Variants in SEZ6L observed in about 807,000 individuals in gnomAD.
The protein encoded by SEZ6L is seizure 6-like protein.
SEZ6L carries 37 observed loss-of-function variants against 106.2 expected under a neutral mutation model. The ratio of observed to expected loss-of-function variants is 0.35; its 90% CI spans 0.27 to 0.46. SEZ6L has a LOEUF of 0.46. Ranked by LOEUF, SEZ6L falls within the 20% of genes least tolerant of loss-of-function variation. SEZ6L has a pLI of 1.00. For missense variants in SEZ6L, 1,172 were observed against 1,332.8 expected, an observed-to-expected ratio of 0.88 and a Z score of 1.88; for synonymous variants, 541 against 570.4, an observed-to-expected ratio of 0.95 and a Z score of 0.73.
At chr22:26,215,816 G>A (rs777539275) in intron 1 of SEZ6L, among the ~76,000 whole-genome samples, 1 of 152,182 alleles carries the variant, frequency 6.6e-6, no homozygotes, top group Non-Finnish European at 1.5e-5. Flanking sequence ...AGGGCCATTC[G>A]CCTGGGGTGA....
chr22:26,367,801 G>A (rs2083872719), intron 13 of SEZ6L, among the ~76,000 whole-genome samples: 2 of 151,970 alleles, frequency 1.3e-5, no homozygotes, highest in South Asian at 4.1e-4. Context: ...TACTCTTAAC[G>A]CCCCCAGTTT....
At position 26,329,025 on chromosome 22, in the gene SEZ6L, C is replaced by T. The variant is rs369353104; in HGVS notation, c.2016-11411C>T. 2.2e-4 allele frequency among the ~76,000 whole-genome samples: 33 copies of T among 152,164 alleles called. No individual in the cohort carries two copies. The East Asian group carries it at 2.3e-3, about 11-fold the overall frequency. On this transcript the variant is annotated intron_variant, in intron 9 of 16. Transcript: ENST00000248933. Reference sequence around the variant, plus strand: ...GGGATCAGGAGTTTTTAAACCTCCGCGGGGATTCTGAGGTGCGGCCAGGAT... The same window carrying T: ...GGGATCAGGAGTTTTTAAACCTCCGTGGGGATTCTGAGGTGCGGCCAGGAT...
chr22:26,362,179 G>A (rs971521199), intron 12 of SEZ6L, among the ~76,000 whole-genome samples: 15 of 152,206 alleles, frequency 9.9e-5, no homozygotes, highest in African/African-American at 3.6e-4. Context: ...GTGCTGCCTT[G>A]GAGGGAGCCC....
chr22:26,261,849 G>C (rs2080018615), intron 1 of SEZ6L, among the ~76,000 whole-genome samples: 1 of 152,178 alleles, frequency 6.6e-6, no homozygotes, highest in African/African-American at 2.4e-5. Flanking sequence ...GTATTTTGGA[G>C]AAGTCAGATT....
intron 1 of SEZ6L, among the ~76,000 whole-genome samples, chr22:26,218,786 A>G (rs368862399): frequency 6.6e-6 from 1 of 152,100 alleles, no homozygotes; most frequent in East Asian, 1.9e-4. Context: ...AAAATACAAA[A>G]ATTAGCCAGG....
At chr22:26,234,261 G>A (rs987828539) in intron 1 of SEZ6L, among the ~76,000 whole-genome samples, 3 of 152,114 alleles carry the variant, frequency 2.0e-5, no homozygotes, top group Admixed American at 1.3e-4. Flanking sequence ...GGCCCGAATT[G>A]GAACCCAGGT....
chr22:26,277,600 G>A (rs897312491), intron 1 of SEZ6L, among the ~76,000 whole-genome samples: 1 of 152,128 alleles, frequency 6.6e-6, no homozygotes, highest in Non-Finnish European at 1.5e-5. Context: ...ATTTTACCAA[G>A]GATTAACCTT....
intron 5 of SEZ6L, among the ~76,000 whole-genome samples, chr22:26,300,981 T>A (rs1369630584): frequency 6.6e-6 from 1 of 152,252 alleles, no homozygotes; most frequent in Non-Finnish European, 1.5e-5. Flanking sequence ...AATTAAATAT[T>A]TTTTTCTTTT....
intron 1 of SEZ6L, among the ~76,000 whole-genome samples, chr22:26,204,132 AC>A (rs1941155301): frequency 6.6e-6 from 1 of 152,226 alleles, no homozygotes; most frequent in African/African-American, 2.4e-5. Context: ...TCTCATGTGT[AC>A]TATGAAAATT....
intron 10 of SEZ6L, among the ~76,000 whole-genome samples, chr22:26,347,042 A>G (rs535204576): frequency 1.3e-5 from 2 of 152,064 alleles, no homozygotes; most frequent in South Asian, 4.2e-4. Context: ...AAAAAAAAAA[A>G]AAATTAGCCA....
rs2078394532 is a variant in SEZ6L at position 26,219,352 on chromosome 22, C to A, written c.94+49589C>A. ...CAAAAATGAACAAGATTGGACAAGTCTGAGCCCTCTTGCCTTTTTATTTTT... is the reference window on the plus strand; with the variant it reads ...CAAAAATGAACAAGATTGGACAAGTATGAGCCCTCTTGCCTTTTTATTTTT... On this transcript the variant is annotated intron_variant, in intron 1 of 16. Coordinates refer to ENST00000248933, the MANE Select transcript of SEZ6L (RefSeq NM_021115.5). Among the ~76,000 whole-genome samples the A allele has an allele frequency of 2.0e-5, 3 of 149,702 alleles. No homozygotes were observed. The South Asian group carries it at 6.3e-4, about 31-fold the overall frequency.
At chr22:26,212,714 C>G (rs112070995) in intron 1 of SEZ6L, among the ~76,000 whole-genome samples, 3 of 152,192 alleles carry the variant, frequency 2.0e-5, no homozygotes, top group East Asian at 1.9e-4. Context: ...TGAGCCACCA[C>G]GCCTGGCCAA....
intron 5 of SEZ6L, among the ~76,000 whole-genome samples, chr22:26,299,603 C>T (rs1322968139): frequency 3.3e-5 from 5 of 152,176 alleles, no homozygotes; most frequent in African/African-American, 4.8e-5. Context: ...TTTCACTTAG[C>T]GCTTGGCACT....
chr22:26,281,609 A>G (rs759434107), intron 1 of SEZ6L, among the ~76,000 whole-genome samples: 2 of 151,912 alleles, frequency 1.3e-5, no homozygotes, highest in Non-Finnish European at 2.9e-5. Context: ...TGATCTCCTG[A>G]CCTCGTGGTC....
At chr22:26,262,242 T>TA (rs930619079) in intron 1 of SEZ6L, among the ~76,000 whole-genome samples, 1 of 41,802 alleles carries the variant, frequency 2.4e-5, no homozygotes, top group African/African-American at 8.7e-5. Context: ...TATTGATATA[T>TA]TTTATCTATC....
chr22:26,207,033 TAAAGCAA>T (rs1469894685), intron 1 of SEZ6L, among the ~76,000 whole-genome samples: 2 of 152,232 alleles, frequency 1.3e-5, no homozygotes, highest in Non-Finnish European at 2.9e-5. Context: ...AAATTTTGTT[TAAAGCAA>T]AAAGCATAAA....
chr22:26,316,764 G>T (rs1413469746), intron 9 of SEZ6L, among the ~76,000 whole-genome samples: 1 of 151,650 alleles, frequency 6.6e-6, no homozygotes, highest in Admixed American at 6.6e-5. Context: ...CCCGGGAGGT[G>T]GAGATTGCAG....
At chr22:26,267,372 G>A (rs1303646028) in intron 1 of SEZ6L, among the ~76,000 whole-genome samples, 1 of 152,230 alleles carries the variant, frequency 6.6e-6, no homozygotes, top group Admixed American at 6.5e-5. Flanking sequence ...TGATATGGCT[G>A]TAAAATGAGT....
intron 9 of SEZ6L, among the ~76,000 whole-genome samples, chr22:26,329,643 G>T (rs757214481): frequency 1.1e-4 from 16 of 152,114 alleles, no homozygotes; most frequent in Non-Finnish European, 1.8e-4. Context: ...TGGGCCAAAG[G>T]CCCCTCGACA....
Sources: gnomAD v4.1 joint callset for allele counts (sites outside exome capture counted in the v4.1 genomes callset) on GRCh38, gnomAD v4.1.1 for gene constraint, MANE v1.5 for transcripts, NCBI Gene and HGNC (gene_info 2026-07-23, HGNC 2026-07-21) for gene names.